The following NXPE4 variants were observed in gnomAD, a reference collection of about 807,000 sequenced individuals.
The protein encoded by NXPE4 is NXPE family member 4.
NXPE4 carries 42 observed loss-of-function variants against 33.3 expected under a neutral mutation model. That is an observed-to-expected ratio of 1.26 (90% CI 0.98 to 1.63). The LOEUF (loss-of-function observed/expected upper bound fraction) is 1.63, where lower values mean the gene tolerates loss of function less well. Ranked by LOEUF, NXPE4 falls within the 40% of genes most tolerant of loss-of-function variation. The pLI is 0.00. For synonymous variants in NXPE4, 253 were observed against 234.9 expected (o/e 1.08, Z -0.71); for missense variants, 709 against 647.6 (o/e 1.09, Z -1.03).
At chr11:114,604,543 C>T in the NXPE4 span, among the ~76,000 whole-genome samples, 1 of 151,934 alleles carries the variant, frequency 6.6e-6, no homozygotes, top group Admixed American at 6.6e-5. Flanking sequence ...TAAGTATTTC[C>T]TTGTGGATAA....
At chr11:114,660,920 T>G in the NXPE4 span, among the ~76,000 whole-genome samples, 5 of 151,614 alleles carry the variant, frequency 3.3e-5, no homozygotes, top group Non-Finnish European at 5.9e-5. Context: ...TAATATAAAG[T>G]TTTTTTTAGG....
the NXPE4 span, among the ~76,000 whole-genome samples, chr11:114,601,997 A>T: frequency 1.2e-5 from 1 of 84,166 alleles, no homozygotes; most frequent in Admixed American, 2.3e-4. Context: ...TATATAATGT[A>T]TCTAATGTAT....
Position 114,580,239 on chromosome 11 carries a change from C to G in NXPE4, c.992G>C (p.Ser331Thr), listed in dbSNP as rs781223329. ...TTCCTTCATTTTGACTGTAGCCAAA[C>G]TACAGGAGACAGGATTCCATGTGTT... ...WRNTWNPVSCSLATVKMKECL... is the reference protein window; with the variant it reads ...WRNTWNPVSCTLATVKMKECL... The change falls in exon 5 of 6, where the codon AGT becomes ACT. Residue 331 changes from serine to threonine, a missense_variant. Physicochemically the swap from Ser to Thr is moderately conservative, Grantham distance 58. Coordinates refer to ENST00000375478, the MANE Select transcript of NXPE4 (RefSeq NM_001077639.2). The G allele has an allele frequency of 6.8e-6, 11 of 1,613,958 alleles. No individual in the cohort carries two copies. The highest frequency in any genetic ancestry group is 2.2e-5 in the South Asian group (2 of 91,072).
At chr11:114,669,315 A>C in the NXPE4 span, among the ~76,000 whole-genome samples, 2 of 152,122 alleles carry the variant, frequency 1.3e-5, no homozygotes, top group Admixed American at 1.3e-4. Flanking sequence ...TTGAGCCACA[A>C]AATCCTTCCA....
At chr11:114,600,379 C>T (rs1474728264), upstream of NXPE4, among the ~76,000 whole-genome samples, 1 of 152,034 alleles carries the variant, frequency 6.6e-6, no homozygotes, top group African/African-American at 2.4e-5. Flanking sequence ...ATGAAATGAC[C>T]CATTTTCCTC....
intron 2 of NXPE4, among the ~76,000 whole-genome samples, chr11:114,588,023 T>G (rs1184102772): frequency 1.3e-5 from 2 of 152,194 alleles, no homozygotes; most frequent in Non-Finnish European, 2.9e-5. Context: ...CTTTGCCCTG[T>G]GAGACAACCC....
the NXPE4 span, among the ~76,000 whole-genome samples, chr11:114,620,280 GATA>G: frequency 1.3e-5 from 2 of 151,996 alleles, no homozygotes; most frequent in Admixed American, 6.6e-5. Flanking sequence ...TTACCCGGTG[GATA>G]ATAAGTAATG....
chr11:114,670,864 C>T, the NXPE4 span, among the ~76,000 whole-genome samples: 2,208 of 151,092 alleles, frequency 0.015, 48 homozygotes, highest in African/African-American at 0.05. Context: ...CAGGAGAAAA[C>T]GCAGGCAATG....
the NXPE4 span, among the ~76,000 whole-genome samples, chr11:114,614,209 T>C: frequency 3.3e-5 from 5 of 152,028 alleles, no homozygotes; most frequent in South Asian, 1.0e-3. Flanking sequence ...GTAATGTTAA[T>C]GGATAATAAG....
At chr11:114,617,772 G>A in the NXPE4 span, among the ~76,000 whole-genome samples, 1 of 152,124 alleles carries the variant, frequency 6.6e-6, no homozygotes, top group Non-Finnish European at 1.5e-5. Context: ...TGGATAATAA[G>A]TGTTGCCTTG....
Position 114,582,805 on chromosome 11 carries a change from G to A in NXPE4, c.313C>T (p.Leu105Phe), listed in dbSNP as rs781404137. 3.1e-6 allele frequency: 5 copies of A among 1,614,042 alleles called. No homozygotes were observed. The African/African-American group carries it at 4.0e-5, about 13-fold the overall frequency. ...TSATHSTATI[L>F]NPRDTYCRGD... The stretch of plus-strand genomic sequence containing the variant: ...CTGCAGTACGTATCTCGAGGGTTGA[G>A]GATGGTGGCTGTGCTATGTGTGGCG... The change falls in exon 3 of 6, where the codon CTC becomes TTC. Residue 105 changes from leucine to phenylalanine, a missense_variant. Transcript: ENST00000375478.
chr11:114,629,496 A>C, the NXPE4 span, among the ~76,000 whole-genome samples: 1 of 151,440 alleles, frequency 6.6e-6, no homozygotes, highest in Non-Finnish European at 1.5e-5. Context: ...ACTCTCAATA[A>C]ATTAGGTATT....
chr11:114,659,686 T>A, the NXPE4 span, among the ~76,000 whole-genome samples: 2 of 152,118 alleles, frequency 1.3e-5, no homozygotes, highest in Non-Finnish European at 2.9e-5. Flanking sequence ...GTTTGAGGGA[T>A]AAGTTGTAAC....
chr11:114,611,430 T>C, the NXPE4 span, among the ~76,000 whole-genome samples: 4 of 151,550 alleles, frequency 2.6e-5, no homozygotes, highest in African/African-American at 9.7e-5. Context: ...GCCTCTAGGG[T>C]AATCACTGTT....
chr11:114,631,504 A>C, the NXPE4 span, among the ~76,000 whole-genome samples: 73,017 of 134,232 alleles, frequency 0.54, 20,216 homozygotes, highest in African/African-American at 0.69. Flanking sequence ...AGGGGAACAT[A>C]ACACTCTGGG....
the NXPE4 span, among the ~76,000 whole-genome samples, chr11:114,601,713 ATATAT>A: frequency 2.8e-5 from 2 of 70,692 alleles, no homozygotes; most frequent in African/African-American, 1.2e-4. Flanking sequence ...TTTATATATT[ATATAT>A]TATAATTATA....
chr11:114,648,941 G>T, the NXPE4 span, among the ~76,000 whole-genome samples: 1 of 45,256 alleles, frequency 2.2e-5, no homozygotes, highest in South Asian at 9.1e-4. Context: ...AAGGGGATAA[G>T]AGGAAACAAA....
At chr11:114,616,970 T>C in the NXPE4 span, among the ~76,000 whole-genome samples, 191 of 146,844 alleles carry the variant, frequency 1.3e-3, 5 homozygotes, top group African/African-American at 5.0e-3. Flanking sequence ...ACCCGGTTTA[T>C]TATTAGTGTT....
chr11:114,571,156 T>G lies in NXPE4; in HGVS notation c.1417A>C (p.Lys473Gln), dbSNP rs746574018. 2 of 1,614,028 alleles carry G rather than the reference T, an allele frequency of 1.2e-6. No homozygotes were observed. Among genetic ancestry groups the G allele is most frequent in the Non-Finnish European group, 1.7e-6 (2 of 1,179,942 alleles). The change falls in exon 6 of 6, where the codon AAA becomes CAA. Residue 473 changes from lysine (K) to glutamine (Q), a missense_variant. Lys to Gln is a moderately conservative substitution (Grantham distance 53). Transcript: ENST00000375478. ...TACATCTCCCTGATGTTTTCTGTTT[T>G]GATGATAACCATAGTGTCTGGGCTT... ...LRSPDTMVII[K>Q]TENIREMYND...
Sources: gnomAD v4.1 joint callset for allele counts (sites outside exome capture counted in the v4.1 genomes callset) on GRCh38, gnomAD v4.1.1 for gene constraint, MANE v1.5 for transcripts, NCBI Gene and HGNC (gene_info 2026-07-23, HGNC 2026-07-21) for gene names.